Variants in KANSL3 observed in about 807,000 individuals in gnomAD.
KANSL3 encodes NSL complex protein NSL3.
A neutral mutation model predicts 89.2 loss-of-function variants in KANSL3; 16 were observed. The ratio of observed to expected loss-of-function variants is 0.18; its 90% CI spans 0.12 to 0.27. The LOEUF (loss-of-function observed/expected upper bound fraction) is 0.27, where lower values mean the gene tolerates loss of function less well. KANSL3 is among the 10% of genes least tolerant of loss of function. The pLI is 1.00. For missense variants in KANSL3, 879 were observed against 1,110.6 expected (o/e 0.79, Z 2.96); for synonymous variants, 385 against 419.7 (o/e 0.92, Z 1.01).
chr2:96,627,931 T>C, intron 3 of KANSL3: 1 of 1,289,818 alleles, frequency 7.8e-7, no homozygotes, highest in South Asian at 1.2e-5. Flanking sequence ...CCAAAAGAGA[T>C]GGTGTGTAAG....
chr2:96,595,654 G>A (rs1363189672), intron 20 of KANSL3, 23 bp from the exon 21 acceptor site: 14 of 1,613,484 alleles, frequency 8.7e-6, no homozygotes, highest in African/African-American at 1.3e-5. Flanking sequence ...AGGTAGTGAA[G>A]AAGGGTCAAA....
At chr2:96,610,655 A>G in intron 11 of KANSL3, 71 bp downstream of exon 11, 1 of 1,563,800 alleles carries the variant, frequency 6.4e-7, no homozygotes. Flanking sequence ...CTGTAGTTAC[A>G]TTGCCAGCTT....
chr2:96,612,229 AT>A, intron 9 of KANSL3, 52 bp downstream of exon 9: 12 of 1,231,428 alleles, frequency 9.7e-6, no homozygotes, highest in Non-Finnish European at 1.4e-5. Context: ...GGTAGCTATG[AT>A]TAGTGGTATT....
intron 3 of KANSL3, among the ~76,000 whole-genome samples, chr2:96,620,997 T>C (rs2071165140): frequency 6.6e-6 from 1 of 151,516 alleles, no homozygotes; most frequent in African/African-American, 2.4e-5. Context: ...TGAGGCCTTG[T>C]CTCAAAAAAA....
intron 3 of KANSL3, among the ~76,000 whole-genome samples, chr2:96,627,020 T>C (rs955488793): frequency 1.3e-5 from 2 of 152,238 alleles, no homozygotes; most frequent in Admixed American, 6.5e-5. Flanking sequence ...GTATTAATTT[T>C]TTTGCAACTA....
chr2:96,605,659 T>G, intron 14 of KANSL3, 148 bp from the exon 15 acceptor site: 1 of 626,216 alleles, frequency 1.6e-6, no homozygotes, highest in South Asian at 2.1e-5. Flanking sequence ...CAAAGGAGAC[T>G]GCCCATGCTT....
intron 18 of KANSL3, 39 bp from the exon 19 acceptor site, chr2:96,602,377 C>T: frequency 6.7e-7 from 1 of 1,495,090 alleles, no homozygotes; most frequent in African/African-American, 1.4e-5. Flanking sequence ...GAAGCTGTCG[C>T]CCAACAGCAA....
At chr2:96,637,508 T>C (rs1343732408) in intron 1 of KANSL3, among the ~76,000 whole-genome samples, 2 of 152,040 alleles carry the variant, frequency 1.3e-5, no homozygotes, top group African/African-American at 4.8e-5. Flanking sequence ...ACTTCCTAGG[T>C]GGGCAGGAAG....
the KANSL3 span, among the ~76,000 whole-genome samples, chr2:96,583,916 G>T: frequency 6.6e-6 from 1 of 152,228 alleles, no homozygotes; most frequent in Non-Finnish European, 1.5e-5. Context: ...TCTAGTGAGT[G>T]TAAAGTGGTA....
Position 96,613,365 on chromosome 2 carries a change from T to C in KANSL3, c.795+123A>G, listed in dbSNP as rs2069365068. Reference sequence around the variant, plus strand: ...TAGCCTGGGTAACAGAGCAAGATTCTGTCTCAAAAAATAATAATAATAATA... The same window carrying C: ...TAGCCTGGGTAACAGAGCAAGATTCCGTCTCAAAAAATAATAATAATAATA... On this transcript the variant is annotated intron_variant, in intron 6 of 20. Coordinates refer to ENST00000431828, the MANE Select transcript of KANSL3 (RefSeq NM_001115016.3). The C allele has an allele frequency of 1.1e-5, 9 of 801,402 alleles. No homozygotes were observed. In the Admixed American group the frequency reaches 2.2e-4, roughly 19 times the overall value. 49.6% of individuals were successfully genotyped at this position (801,402 alleles called of 1,614,324 possible). A position where few individuals can be genotyped will look rare whatever the true frequency, so the allele number is the denominator to read the frequency against.
At chr2:96,637,366 A>C (rs1393346798) in intron 1 of KANSL3, 181 bp from the exon 2 acceptor site, 2 of 503,904 alleles carry the variant, frequency 4.0e-6, no homozygotes, top group African/African-American at 3.9e-5. Flanking sequence ...AAAGAAAAAA[A>C]AAACTATGGT....
At chr2:96,629,918 C>T (rs2073088441) in intron 3 of KANSL3, among the ~76,000 whole-genome samples, 1 of 152,114 alleles carries the variant, frequency 6.6e-6, no homozygotes, top group Non-Finnish European at 1.5e-5. Context: ...TATATGGATA[C>T]ACAGACAAAA....
At position 96,637,157 on chromosome 2, in the gene KANSL3, C is replaced by CA. The variant is rs1440861458; in HGVS notation, c.-23dup. On this transcript the variant is annotated 5_prime_UTR_variant, in exon 2 of 21. It removes the in-frame stop codon of an upstream open reading frame in the 5' UTR. Transcript: ENST00000431828. Reference sequence around the variant, plus strand: ...CCATGTCAGTGGAGGGGCAGAAAGTCAGAGCATGGGTATCTGCATGCTAGT... The same window carrying CA: ...CCATGTCAGTGGAGGGGCAGAAAGTCAAGAGCATGGGTATCTGCATGCTAGT... 2.7e-6 allele frequency: 4 copies of CA among 1,497,784 alleles called. No homozygotes were observed. The highest frequency in any genetic ancestry group is 3.6e-6 in the Non-Finnish European group (4 of 1,099,330). 92.8% of individuals were successfully genotyped at this position (1,497,784 alleles called of 1,614,324 possible).
chr2:96,614,708 T>C (rs975916900), intron 5 of KANSL3, among the ~76,000 whole-genome samples: 3 of 149,336 alleles, frequency 2.0e-5, no homozygotes, highest in Non-Finnish European at 3.0e-5. Context: ...GAGGTGGAGG[T>C]TGTGGTGAGC....
chr2:96,624,933 T>C (rs1386533470), intron 3 of KANSL3, among the ~76,000 whole-genome samples: 1 of 151,658 alleles, frequency 6.6e-6, no homozygotes, highest in Non-Finnish European at 1.5e-5. Context: ...AGGCCAGGAA[T>C]GGTGGCTCAT....
chr2:96,621,821 T>G (rs564950459), intron 3 of KANSL3, among the ~76,000 whole-genome samples: 14 of 151,640 alleles, frequency 9.2e-5, no homozygotes, highest in Non-Finnish European at 1.9e-4. Flanking sequence ...CAACTCTACT[T>G]CAAAATTAAA....
intron 18 of KANSL3, 80 bp downstream of exon 18, chr2:96,602,673 T>C (rs2067355533): frequency 8.9e-7 from 1 of 1,120,914 alleles, no homozygotes; most frequent in South Asian, 1.5e-5. Flanking sequence ...ACTCCAGACC[T>C]AGTTTCCCTG....
At chr2:96,586,770 T>C in the KANSL3 span, among the ~76,000 whole-genome samples, 1 of 152,224 alleles carries the variant, frequency 6.6e-6, no homozygotes, top group Non-Finnish European at 1.5e-5. Context: ...TGACTCTTAA[T>C]TGTGTTCTAC....
intron 3 of KANSL3, among the ~76,000 whole-genome samples, chr2:96,621,132 T>C (rs1050184828): frequency 6.6e-6 from 1 of 152,010 alleles, no homozygotes; most frequent in African/African-American, 2.4e-5. Context: ...CAACCACAAC[T>C]GGAAAAAGAA....
Sources: gnomAD v4.1 joint callset for allele counts (sites outside exome capture counted in the v4.1 genomes callset) on GRCh38, gnomAD v4.1.1 for gene constraint, MANE v1.5 for transcripts, NCBI Gene and HGNC (gene_info 2026-07-23, HGNC 2026-07-21) for gene names.